The following MAFB variants were observed in gnomAD, a reference collection of about 807,000 sequenced individuals.
MAFB encodes MAF bZIP transcription factor B.
In MAFB, 3 loss-of-function variants were observed where a neutral mutation model predicts 17.7. The ratio of observed to expected loss-of-function variants is 0.17; its 90% CI spans 0.08 to 0.44. The LOEUF is 0.44. Among genes scored for constraint, MAFB ranks in the 20% least tolerant of loss-of-function variants. The pLI, the probability that MAFB is intolerant of heterozygous loss-of-function variation, is 0.99. For synonymous variants in MAFB, 214 were observed against 211.5 expected (o/e 1.01, Z -0.10); for missense variants, 355 against 461.3 (o/e 0.77, Z 2.11).
chr20:40,688,365 G>A lies in MAFB; in HGVS notation c.486C>T (p.His162=), dbSNP rs1332287866. 1 of 1,547,302 alleles carries A rather than the reference G, an allele frequency of 6.5e-7. No homozygotes were observed. The highest frequency in any genetic ancestry group is 1.9e-5 in the Admixed American group (1 of 54,028). Residue 162 remains histidine, a synonymous_variant, in exon 1 of 1, where the codon CAC becomes CAT. Transcript: ENST00000373313. ...HDELGPHAHP[H]HHHHHQASPP... is the part of the protein sequence containing the mutation. Reference sequence around the variant, plus strand: ...GCGACGCTTGGTGATGATGGTGATGGTGCGGGTGAGCGTGCGGGCCCAGCT... The same window carrying A: ...GCGACGCTTGGTGATGATGGTGATGATGCGGGTGAGCGTGCGGGCCCAGCT...
At position 40,688,715 on chromosome 20, in the gene MAFB, A is replaced by G. The variant is rs556212539; in HGVS notation, c.136T>C (p.Cys46Arg). Residue 46 changes from cysteine to arginine, a missense_variant, in exon 1 of 1, where the codon TGC becomes CGC. Transcript: ENST00000373313. ...LGRAERPGRP[C>R]TRLQPAGSVS... ...GAGCCGGCTGGCTGCAGGCGTGTGC[A>G]GGGCCTGCCCGGACGCTCCGCGCGC... 45 of 1,613,840 alleles carry G rather than the reference A, an allele frequency of 2.8e-5. 1 individual carries two copies. In the South Asian group the frequency reaches 4.6e-4, roughly 17 times the overall value.
In MAFB at chr20:40,687,802, C is replaced by T; in HGVS notation, c.*77G>A. ...CTGGGGCCGCGGCAGGGACAGGGTC[C>T]GGGGTAGTCTGGGACTAGGGACGTG... On this transcript the variant is annotated 3_prime_UTR_variant, in exon 1 of 1. Transcript: ENST00000373313. 1 of 1,504,724 alleles carries T rather than the reference C, an allele frequency of 6.6e-7. No individual in the cohort carries two copies. The highest frequency in any genetic ancestry group is 8.9e-7 in the Non-Finnish European group (1 of 1,117,762). 93.2% of individuals were successfully genotyped at this position (1,504,724 alleles called of 1,614,324 possible). A position where few individuals can be genotyped will look rare whatever the true frequency, so the allele number is the denominator to read the frequency against.
At position 40,687,808 on chromosome 20, in the gene MAFB, A is replaced by G; in HGVS notation, c.*71T>C. On this transcript the variant is annotated 3_prime_UTR_variant, in exon 1 of 1. Transcript: ENST00000373313. ...CCGCGGCAGGGACAGGGTCCGGGGTAGTCTGGGACTAGGGACGTGGGACAG... is the reference window on the plus strand; with the variant it reads ...CCGCGGCAGGGACAGGGTCCGGGGTGGTCTGGGACTAGGGACGTGGGACAG... 1 of 1,517,270 alleles carries G rather than the reference A, an allele frequency of 6.6e-7. No individual in the cohort carries two copies. Among genetic ancestry groups the G allele is most frequent in the Non-Finnish European group, 8.9e-7 (1 of 1,124,180 alleles). The allele number at this position is 1,517,270 out of a possible 1,614,324, so 94.0% of individuals were successfully genotyped here. A position where few individuals can be genotyped will look rare whatever the true frequency, so the allele number is the denominator to read the frequency against.
rs1382187531 is a variant in MAFB, at chr20:40,687,683, C to T, written c.*196G>A. On this transcript the variant is annotated 3_prime_UTR_variant, in exon 1 of 1. Coordinates refer to ENST00000373313, the MANE Select transcript of MAFB (RefSeq NM_005461.5). Reference sequence around the variant, plus strand: ...GCGGCGCTGGCGTGCGCTACTCTCGCCTTAGCCAAGGTCCCCTGCCCGCCC... The same window carrying T: ...GCGGCGCTGGCGTGCGCTACTCTCGTCTTAGCCAAGGTCCCCTGCCCGCCC... 3.0e-6 allele frequency: 2 copies of T among 656,130 alleles called. No homozygotes were observed. Among genetic ancestry groups the T allele is most frequent in the East Asian group, 2.7e-5 (1 of 36,636 alleles). 40.6% of individuals were successfully genotyped at this position (656,130 alleles called of 1,614,324 possible). A position where few individuals can be genotyped will look rare whatever the true frequency, so the allele number is the denominator to read the frequency against.
At position 40,688,943 on chromosome 20, in the gene MAFB, A is replaced by G. The variant is rs1291754669; in HGVS notation, c.-93T>C. On this transcript the variant is annotated 5_prime_UTR_variant, in exon 1 of 1. Coordinates refer to ENST00000373313, the MANE Select transcript of MAFB (RefSeq NM_005461.5). ...CAAGCGCGGGGGGGAAGAGCGGAGA[A>G]GAGCTGGGGAGGCGGGGAGCGAGGG... The G allele has an allele frequency of 1.4e-6, 2 of 1,444,334 alleles. No homozygotes were observed. Among genetic ancestry groups the G allele is most frequent in the African/African-American group, 3.0e-5 (2 of 67,252 alleles). 89.5% of individuals were successfully genotyped at this position (1,444,334 alleles called of 1,614,324 possible).
Position 40,688,254 on chromosome 20 carries a change from C to G in MAFB, c.597G>C (p.Thr199=). 6.4e-7 allele frequency: 1 copy of G among 1,551,700 alleles called. No individual in the cohort carries two copies. Among genetic ancestry groups the G allele is most frequent in the Non-Finnish European group, 8.7e-7 (1 of 1,155,320 alleles). The change falls in exon 1 of 1, where the codon ACG becomes ACC. Residue 199 remains threonine, a synonymous_variant. Coordinates refer to ENST00000373313, the MANE Select transcript of MAFB (RefSeq NM_005461.5). ...GPGPHATASA[T]AAGGNGSVED... ...CCACGCTGCCGTTGCCGCCCGCCGC[C>G]GTCGCCGAGGCCGTCGCGTGCGGCC... is the stretch of plus-strand genomic sequence containing the variant.
Position 40,688,384 on chromosome 20 carries a change from C to A in MAFB, c.467G>T (p.Gly156Val). The part of the protein sequence containing the change: ...PGAGVAHDEL[G>V]PHAHPHHHHH... ...GTGATGGTGCGGGTGAGCGTGCGGG[C>A]CCAGCTCGTCGTGGGCCACGCCGGC... The change falls in exon 1 of 1, where the codon GGC (glycine) becomes GTC (valine). Residue 156 changes from glycine (G) to valine (V), a missense_variant. By Grantham distance (109) the Gly-to-Val change is moderately radical. This residue lies in a region of MAFB where 285 missense variants were observed against 350.0 expected (regional missense o/e 0.81). Coordinates refer to ENST00000373313, the MANE Select transcript of MAFB (RefSeq NM_005461.5). The A allele has an allele frequency of 6.4e-7, 1 of 1,561,192 alleles. No individual in the cohort carries two copies. Among genetic ancestry groups the A allele is most frequent in the Non-Finnish European group, 8.6e-7 (1 of 1,160,244 alleles).
rs886056670 is a variant in MAFB, at chr20:40,687,570, T to A, written c.*309A>T. On this transcript the variant is annotated 3_prime_UTR_variant, in exon 1 of 1. Coordinates refer to ENST00000373313, the MANE Select transcript of MAFB (RefSeq NM_005461.5). ...TGGCCTTGGTGACTTCTCGGGACTA[T>A]GCCTCGCCGCCCTTCAGCCTGGAGA... is the stretch of plus-strand genomic sequence containing the variant. 3.7e-6 allele frequency: 2 copies of A among 541,354 alleles called. No individual in the cohort carries two copies. Among genetic ancestry groups the A allele is most frequent in the Non-Finnish European group, 6.6e-6 (2 of 304,244 alleles). The allele number at this position is 541,354 out of a possible 1,614,324, so 33.5% of individuals were successfully genotyped here. A position where few individuals can be genotyped will look rare whatever the true frequency, so the allele number is the denominator to read the frequency against.
At position 40,687,410 on chromosome 20, in the gene MAFB, C is replaced by T. The variant is rs1226853904; in HGVS notation, c.*469G>A. 2.6e-6 allele frequency: 1 copy of T among 384,338 alleles called. No homozygotes were observed. The highest frequency in any genetic ancestry group is 4.6e-6 in the Non-Finnish European group (1 of 216,980). 23.8% of individuals were successfully genotyped at this position (384,338 alleles called of 1,614,324 possible). A position where few individuals can be genotyped will look rare whatever the true frequency, so the allele number is the denominator to read the frequency against. On this transcript the variant is annotated 3_prime_UTR_variant, in exon 1 of 1. Coordinates refer to ENST00000373313, the MANE Select transcript of MAFB (RefSeq NM_005461.5). ...TGTCCTTCCTTCTTTCGCTCAGCCT[C>T]GCCTCTCGCCTGCCGGGACGCCAGA... is the stretch of plus-strand genomic sequence containing the variant.
rs1986839321 is a variant in MAFB, at chr20:40,686,827, A to C, written c.*1052T>G. On this transcript the variant is annotated 3_prime_UTR_variant, in exon 1 of 1. Coordinates refer to ENST00000373313, the MANE Select transcript of MAFB (RefSeq NM_005461.5). ...TCTCTCTCAGCACCAACAAGGTTGA[A>C]AACTAAAGCGAGAGAGGAAAAAGAG... The C allele has an allele frequency of 2.5e-6, 1 of 398,562 alleles. No homozygotes were observed. The highest frequency in any genetic ancestry group is 2.1e-5 in the African/African-American group (1 of 48,630). The allele number at this position is 398,562 out of a possible 1,614,324, so 24.7% of individuals were successfully genotyped here. A position where few individuals can be genotyped will look rare whatever the true frequency, so the allele number is the denominator to read the frequency against.
Position 40,689,147 on chromosome 20 carries a change from C to T in MAFB, c.-297G>A. ...AGCGCGCGGTGGGGCTGAGGGGAGGCGTGGGGCGAGTGCCCGTTGCTCGCT... is the reference window on the plus strand; with the variant it reads ...AGCGCGCGGTGGGGCTGAGGGGAGGTGTGGGGCGAGTGCCCGTTGCTCGCT... On this transcript the variant is annotated 5_prime_UTR_variant, in exon 1 of 1. Coordinates refer to ENST00000373313, the MANE Select transcript of MAFB (RefSeq NM_005461.5). 2.5e-6 allele frequency: 1 copy of T among 405,164 alleles called. No individual in the cohort carries two copies. Among genetic ancestry groups the T allele is most frequent in the East Asian group, 3.9e-5 (1 of 25,422 alleles). The allele number at this position is 405,164 out of a possible 1,614,324, so 25.1% of individuals were successfully genotyped here. A position where few individuals can be genotyped will look rare whatever the true frequency, so the allele number is the denominator to read the frequency against.
Position 40,688,318 on chromosome 20 carries a change from C to G in MAFB, c.533G>C (p.Ser178Thr), listed in dbSNP as rs1986883691. 10 of 1,513,368 alleles carry G rather than the reference C, an allele frequency of 6.6e-6. No individual in the cohort carries two copies. The highest frequency in any genetic ancestry group is 7.9e-6 in the Non-Finnish European group (9 of 1,143,318). The allele number at this position is 1,513,368 out of a possible 1,614,324, so 93.7% of individuals were successfully genotyped here. A position where few individuals can be genotyped will look rare whatever the true frequency, so the allele number is the denominator to read the frequency against. Residue 178 changes from serine (S) to threonine (T), a missense_variant, in exon 1 of 1, where the codon AGC becomes ACC. Ser to Thr is a moderately conservative substitution (Grantham distance 58, BLOSUM62 1). Transcript: ENST00000373313. Reference protein sequence around the residue: ...QASPPPSSAASPAQQLPTSHP... With the variant: ...QASPPPSSAATPAQQLPTSHP... ...GCTAGTGGGCAGCTGTTGCGCCGGG[C>G]TAGCGGCGCTGGACGGCGGCGGCGA...
chr20:40,688,450 T>G lies in MAFB; in HGVS notation c.401A>C (p.His134Pro). ...GTGCGGGTGAGGGTGGTGGTGATGG[T>G]GGTGGTGGTGAGCGCCGCGAAAGCT... ...FDSFRGAHHHHHHHHPHPHHA... is the reference protein window; with the variant it reads ...FDSFRGAHHHPHHHHPHPHHA... The change falls in exon 1 of 1, where the codon CAC (histidine) becomes CCC (proline). Residue 134 changes from histidine to proline, a missense_variant. By Grantham distance (77) the His-to-Pro change is moderately conservative. This residue lies in a region of MAFB where 285 missense variants were observed against 350.0 expected (regional missense o/e 0.81). Transcript: ENST00000373313. The G allele has an allele frequency of 6.2e-7, 1 of 1,600,550 alleles. No homozygotes were observed. Among genetic ancestry groups the G allele is most frequent in the Non-Finnish European group, 8.5e-7 (1 of 1,177,670 alleles).
Position 40,688,341 on chromosome 20 carries a change from C to T in MAFB, c.510G>A (p.Ser170=). The T allele has an allele frequency of 6.6e-7, 1 of 1,514,674 alleles. No individual in the cohort carries two copies. The highest frequency in any genetic ancestry group is 8.7e-7 in the Non-Finnish European group (1 of 1,143,354). The allele number at this position is 1,514,674 out of a possible 1,614,324, so 93.8% of individuals were successfully genotyped here. A position where few individuals can be genotyped will look rare whatever the true frequency, so the allele number is the denominator to read the frequency against. ...GGCTAGCGGCGCTGGACGGCGGCGGCGACGCTTGGTGATGATGGTGATGGT... is the reference window on the plus strand; with the variant it reads ...GGCTAGCGGCGCTGGACGGCGGCGGTGACGCTTGGTGATGATGGTGATGGT... ...HPHHHHHHQA[S]PPPSSAASPA... Residue 170 remains serine, a synonymous_variant, in exon 1 of 1, where the codon TCG becomes TCA. Coordinates refer to ENST00000373313, the MANE Select transcript of MAFB (RefSeq NM_005461.5).
At position 40,686,839 on chromosome 20, in the gene MAFB, G is replaced by C. The variant is rs1340651749; in HGVS notation, c.*1040C>G. Reference sequence around the variant, plus strand: ...CCAACAAGGTTGAAAACTAAAGCGAGAGAGGAAAAAGAGGACCGAATGGGG... The same window carrying C: ...CCAACAAGGTTGAAAACTAAAGCGACAGAGGAAAAAGAGGACCGAATGGGG... On this transcript the variant is annotated 3_prime_UTR_variant, in exon 1 of 1. Coordinates refer to ENST00000373313, the MANE Select transcript of MAFB (RefSeq NM_005461.5). The C allele has an allele frequency of 2.5e-6, 1 of 398,482 alleles. No individual in the cohort carries two copies. The highest frequency in any genetic ancestry group is 4.4e-5 in the Admixed American group (1 of 22,710). 24.7% of individuals were successfully genotyped at this position (398,482 alleles called of 1,614,324 possible). A position where few individuals can be genotyped will look rare whatever the true frequency, so the allele number is the denominator to read the frequency against.
chr20:40,689,011 G>A lies in MAFB; in HGVS notation c.-161C>T, dbSNP rs1986914178. The stretch of plus-strand genomic sequence containing the variant: ...GCCGGCCAAGCCTTTGTCTGGGGAC[G>A]CGGCGGCGCGCCGGAGAGTCCCGAG... On this transcript the variant is annotated 5_prime_UTR_variant, in exon 1 of 1. Coordinates refer to ENST00000373313, the MANE Select transcript of MAFB (RefSeq NM_005461.5). The A allele has an allele frequency of 1.9e-6, 2 of 1,032,732 alleles. No homozygotes were observed. The highest frequency in any genetic ancestry group is 3.2e-5 in the East Asian group (1 of 31,726). The allele number at this position is 1,032,732 out of a possible 1,614,324, so 64.0% of individuals were successfully genotyped here.
Position 40,689,057 on chromosome 20 carries a change from G to A in MAFB, c.-207C>T. 1.6e-6 allele frequency: 1 copy of A among 628,620 alleles called. No individual in the cohort carries two copies. Among genetic ancestry groups the A allele is most frequent in the Non-Finnish European group, 2.4e-6 (1 of 415,616 alleles). The allele number at this position is 628,620 out of a possible 1,614,324, so 38.9% of individuals were successfully genotyped here. On this transcript the variant is annotated 5_prime_UTR_variant, in exon 1 of 1. Coordinates refer to ENST00000373313, the MANE Select transcript of MAFB (RefSeq NM_005461.5). ...CCGAGGCTGCCTGCACCGCCCCAGA[G>A]CTCTGGGCTGTGCCCGCGCAGGGAC... is the stretch of plus-strand genomic sequence containing the variant.
chr20:40,686,406 A>C lies in MAFB; in HGVS notation c.*1473T>G. 1 of 300,458 alleles carries C rather than the reference A, an allele frequency of 3.3e-6. No individual in the cohort carries two copies. Among genetic ancestry groups the C allele is most frequent in the Non-Finnish European group, 6.1e-6 (1 of 164,318 alleles). The allele number at this position is 300,458 out of a possible 1,614,324, so 18.6% of individuals were successfully genotyped here. A position where few individuals can be genotyped will look rare whatever the true frequency, so the allele number is the denominator to read the frequency against. On this transcript the variant is annotated 3_prime_UTR_variant, in exon 1 of 1. Transcript: ENST00000373313. Reference sequence around the variant, plus strand: ...CTTCCTACTATCTCAAAAGCAGGGAAAGAAACGCAATGCATTGGTCTAAAG... The same window carrying C: ...CTTCCTACTATCTCAAAAGCAGGGACAGAAACGCAATGCATTGGTCTAAAG...
In MAFB at chr20:40,688,718, G is replaced by T; in HGVS notation, c.133C>A (p.Pro45Thr). ...PLGRAERPGR[P>T]CTRLQPAGSV... ...CCGGCTGGCTGCAGGCGTGTGCAGGGCCTGCCCGGACGCTCCGCGCGCCCC... is the reference window on the plus strand; with the variant it reads ...CCGGCTGGCTGCAGGCGTGTGCAGGTCCTGCCCGGACGCTCCGCGCGCCCC... The change falls in exon 1 of 1, where the codon CCC (proline) becomes ACC (threonine). Residue 45 changes from proline (P) to threonine (T), a missense_variant. Transcript: ENST00000373313. The T allele has an allele frequency of 2.5e-6, 4 of 1,613,884 alleles. No homozygotes were observed. Among genetic ancestry groups the T allele is most frequent in the Non-Finnish European group, 3.4e-6 (4 of 1,179,908 alleles).
Sources: gnomAD v4.1 joint callset for allele counts on GRCh38, gnomAD v4.1.1 for gene constraint, gnomAD v4.1.1 regional missense constraint, MANE v1.5 for transcripts, NCBI Gene and HGNC (gene_info 2026-07-23, HGNC 2026-07-21) for gene names.